The following PTPRG variants were observed in gnomAD, a reference collection of about 807,000 sequenced individuals.
PTPRG encodes protein tyrosine phosphatase receptor type G, also known as receptor-type tyrosine-protein phosphatase gamma.
A neutral mutation model predicts 165.3 loss-of-function variants in PTPRG; 102 were observed. That is an observed-to-expected ratio of 0.62 (90% CI 0.53 to 0.73). PTPRG has a LOEUF of 0.73. Among genes scored for constraint, PTPRG ranks in the 30% least tolerant of loss-of-function variants. The pLI is 0.00. For missense variants in PTPRG, 1,866 were observed against 1,861.4 expected, an observed-to-expected ratio of 1.00 and a Z score of -0.05; for synonymous variants, 675 against 669.5, an observed-to-expected ratio of 1.01 and a Z score of -0.13.
chr3:61,777,256 G>T (rs1390133451), intron 2 of PTPRG, among the ~76,000 whole-genome samples: 17 of 152,168 alleles, frequency 1.1e-4, no homozygotes, highest in Non-Finnish European at 2.4e-4. Flanking sequence ...GCAGCTACTT[G>T]CCACATGTGA....
At chr3:62,025,588 AT>A (rs1471511642) in intron 4 of PTPRG, among the ~76,000 whole-genome samples, 2 of 151,948 alleles carry the variant, frequency 1.3e-5, no homozygotes, top group Non-Finnish European at 2.9e-5. Flanking sequence ...TTATGGAGTA[AT>A]TTTTTTCCCT....
At chr3:62,001,109 C>G (rs908229430) in intron 3 of PTPRG, among the ~76,000 whole-genome samples, 49 of 152,276 alleles carry the variant, frequency 3.2e-4, no homozygotes, top group African/African-American at 1.1e-3. Flanking sequence ...TCAAACAGTT[C>G]AATGTTATCA....
chr3:62,188,923 T>C (rs1047376437), intron 8 of PTPRG, among the ~76,000 whole-genome samples: 17 of 151,900 alleles, frequency 1.1e-4, no homozygotes, highest in African/African-American at 3.9e-4. Flanking sequence ...ACGCTGGGGG[T>C]GTAGCTATTT....
At chr3:61,841,396 G>A (rs2036628839) in intron 2 of PTPRG, among the ~76,000 whole-genome samples, 1 of 152,088 alleles carries the variant, frequency 6.6e-6, no homozygotes, top group South Asian at 2.1e-4. Flanking sequence ...GTTTTGTGAG[G>A]TTTCTTGTTT....
chr3:61,846,806 T>A (rs1158208531), intron 2 of PTPRG, among the ~76,000 whole-genome samples: 1 of 152,058 alleles, frequency 6.6e-6, no homozygotes, highest in East Asian at 1.9e-4. Flanking sequence ...TCCCAGCTAC[T>A]TAGGAAGCTG....
chr3:61,596,101 A>T (rs1700692424), intron 1 of PTPRG, among the ~76,000 whole-genome samples: 1 of 152,220 alleles, frequency 6.6e-6, no homozygotes, highest in Non-Finnish European at 1.5e-5. Flanking sequence ...TTCTTAAGTC[A>T]GTTTTCAGTA....
At chr3:61,844,267 A>G (rs140129947) in intron 2 of PTPRG, among the ~76,000 whole-genome samples, 1,971 of 152,276 alleles carry the variant, frequency 0.013, 42 homozygotes, top group African/African-American at 0.044. Flanking sequence ...CCCAGCTGAA[A>G]AAAAGTCTGT....
At chr3:61,998,630 A>T (rs551352012) in intron 3 of PTPRG, among the ~76,000 whole-genome samples, 1 of 152,334 alleles carries the variant, frequency 6.6e-6, no homozygotes, top group African/African-American at 2.4e-5. Flanking sequence ...TACTTCTTGT[A>T]TCAAGAAGGT....
intron 4 of PTPRG, among the ~76,000 whole-genome samples, chr3:62,022,748 C>T (rs1029493755): frequency 4.6e-5 from 7 of 152,140 alleles, no homozygotes; most frequent in African/African-American, 1.7e-4. Context: ...ATTTACCTCA[C>T]AACAGCTTAA....
At chr3:61,754,235 T>C (rs1427907756) in intron 2 of PTPRG, among the ~76,000 whole-genome samples, 1 of 152,200 alleles carries the variant, frequency 6.6e-6, no homozygotes, top group African/African-American at 2.4e-5. Context: ...TCCATGGTCC[T>C]CTCCAACTGT....
At chr3:62,180,917 T>G (rs1705620077) in intron 8 of PTPRG, among the ~76,000 whole-genome samples, 1 of 152,212 alleles carries the variant, frequency 6.6e-6, no homozygotes, top group African/African-American at 2.4e-5. Context: ...ACTGCCTATT[T>G]CTGTTTTCTG....
intron 4 of PTPRG, among the ~76,000 whole-genome samples, chr3:62,033,068 A>C (rs144797892): frequency 1.3e-5 from 2 of 152,218 alleles, no homozygotes; most frequent in East Asian, 3.9e-4. Context: ...TGCCCTATAA[A>C]AGTATTATAT....
At chr3:61,822,259 T>C (rs1313006238) in intron 2 of PTPRG, among the ~76,000 whole-genome samples, 2 of 152,200 alleles carry the variant, frequency 1.3e-5, no homozygotes, top group African/African-American at 4.8e-5. Flanking sequence ...TCCCCAAATA[T>C]GCAGTGAGTA....
At chr3:62,173,703 G>A (rs1246935364) in intron 8 of PTPRG, among the ~76,000 whole-genome samples, 1 of 152,088 alleles carries the variant, frequency 6.6e-6, no homozygotes, top group Non-Finnish European at 1.5e-5. Context: ...ACATCAGAGG[G>A]GTAACCAGAG....
chr3:62,125,952 G>T (rs2106907933), intron 5 of PTPRG, among the ~76,000 whole-genome samples: 1 of 152,172 alleles, frequency 6.6e-6, no homozygotes, highest in South Asian at 2.1e-4. Context: ...AAATCACCAT[G>T]CGGGCCCCCA....
chr3:61,780,569 A>G (rs1183580758), intron 2 of PTPRG, among the ~76,000 whole-genome samples: 1 of 152,218 alleles, frequency 6.6e-6, no homozygotes, highest in African/African-American at 2.4e-5. Flanking sequence ...CACAGTGCAC[A>G]CATTCTGAAT....
At chr3:61,707,577 C>A (rs1183371535) in intron 1 of PTPRG, among the ~76,000 whole-genome samples, 2 of 152,144 alleles carry the variant, frequency 1.3e-5, no homozygotes, top group African/African-American at 2.4e-5. Flanking sequence ...TCTGTTCAGG[C>A]CTTCAGCTGA....
In PTPRG at chr3:61,748,936, G is replaced by C. The variant is rs761521271; in HGVS notation, c.144G>C (p.Gln48His). The change falls in exon 2 of 30, where the codon CAG (glutamine) becomes CAC (histidine). Residue 48 changes from glutamine (Q) to histidine (H), a missense_variant. Physicochemically the swap from Gln to His is conservative, Grantham distance 24. Transcript: ENST00000474889. The part of the protein sequence containing the change: ...LHENRHGSAV[Q>H]IRRRKASGDP... ...AGAATAGACACGGCAGCGCAGTGCA[G>C]ATCCGCAGGCGCAAGGCTTCAGGCG... is the stretch of plus-strand genomic sequence containing the variant. 1.2e-6 allele frequency: 2 copies of C among 1,612,654 alleles called. No homozygotes were observed. Among genetic ancestry groups the C allele is most frequent in the Admixed American group, 3.3e-5 (2 of 59,796 alleles).
chr3:62,137,373 T>A (rs1576049068), intron 6 of PTPRG, among the ~76,000 whole-genome samples: 1 of 152,158 alleles, frequency 6.6e-6, no homozygotes, highest in African/African-American at 2.4e-5. Flanking sequence ...TGTAAAAATA[T>A]AGTCTTTCCT....
Sources: gnomAD v4.1 joint callset for allele counts (sites outside exome capture counted in the v4.1 genomes callset) on GRCh38, gnomAD v4.1.1 for gene constraint, MANE v1.5 for transcripts, NCBI Gene and HGNC (gene_info 2026-07-23, HGNC 2026-07-21) for gene names.